The following RBFOX1 variants were observed in gnomAD, a reference collection of about 807,000 sequenced individuals.
RBFOX1 encodes RNA binding fox-1 homolog 1.
Under a neutral mutation model 57.7 loss-of-function variants are expected in RBFOX1, and 8 were observed. The observed-to-expected ratio is 0.14, with a 90% CI of 0.08 to 0.25. The LOEUF (loss-of-function observed/expected upper bound fraction) is 0.25. Ranked by LOEUF, RBFOX1 falls within the 10% of genes least tolerant of loss-of-function variation. RBFOX1 has a pLI of 1.00. For missense variants in RBFOX1, 611 were observed against 548.5 expected, an observed-to-expected ratio of 1.11 and a Z score of -1.14; for synonymous variants, 326 against 222.4, an observed-to-expected ratio of 1.47 and a Z score of -4.15.
At chr16:5,738,288 CTA>C (rs35229966) in intron 3 of RBFOX1, among the ~76,000 whole-genome samples, 41,376 of 151,632 alleles carry the variant, frequency 0.27, 6,103 homozygotes, top group East Asian at 0.56. Context: ...TTTAACGTCT[CTA>C]TGTGTTAGGT....
intron 2 of RBFOX1, among the ~76,000 whole-genome samples, chr16:6,449,738 C>G (rs745745885): frequency 2.0e-5 from 3 of 152,130 alleles, no homozygotes; most frequent in Non-Finnish European, 4.4e-5. Flanking sequence ...TTCAAGCATA[C>G]TGGAAAGAAG....
intron 3 of RBFOX1, among the ~76,000 whole-genome samples, chr16:6,815,276 C>A (rs1475787380): frequency 6.6e-6 from 1 of 152,092 alleles, no homozygotes; most frequent in South Asian, 2.1e-4. Context: ...TTTTGGCCGA[C>A]TTCTTTGCCA....
chr16:7,231,482 C>A (rs1027727103), intron 4 of RBFOX1, among the ~76,000 whole-genome samples: 1 of 152,126 alleles, frequency 6.6e-6, no homozygotes. Flanking sequence ...AAAGGCAGTT[C>A]CTCGGGAAGT....
chr16:5,282,876 G>A (rs1176862911), intron 1 of RBFOX1, among the ~76,000 whole-genome samples: 1 of 152,200 alleles, frequency 6.6e-6, no homozygotes, highest in Non-Finnish European at 1.5e-5. Flanking sequence ...GTAATGAGGA[G>A]CCAAGTGTGA....
At chr16:7,037,228 CTTTTTTTTTTTTTTTTTT>C (rs889539532) in intron 3 of RBFOX1, among the ~76,000 whole-genome samples, 1 of 80,524 alleles carries the variant, frequency 1.2e-5, no homozygotes, top group Non-Finnish European at 2.2e-5. Context: ...GTCTTAGCCT[CTTTTTTTTTTTTTTTTTT>C]TTTTTTTTTT....
At chr16:5,837,835 A>C (rs2056508247) in intron 3 of RBFOX1, among the ~76,000 whole-genome samples, 2 of 152,154 alleles carry the variant, frequency 1.3e-5, no homozygotes, top group South Asian at 4.1e-4. Context: ...AGTATTGACC[A>C]TGCTTGGTGG....
chr16:5,836,850 G>A (rs1372394515), intron 3 of RBFOX1, among the ~76,000 whole-genome samples: 1 of 152,168 alleles, frequency 6.6e-6, no homozygotes, highest in Non-Finnish European at 1.5e-5. Flanking sequence ...GTCCACATCA[G>A]CCCAGGCCAC....
At chr16:7,463,403 C>G (rs929086568) in intron 4 of RBFOX1, among the ~76,000 whole-genome samples, 6 of 152,152 alleles carry the variant, frequency 3.9e-5, no homozygotes, top group Non-Finnish European at 7.3e-5. Context: ...ACTCGGGAGG[C>G]TGACACAGGA....
chr16:6,643,327 A>C (rs1318350718), intron 2 of RBFOX1, among the ~76,000 whole-genome samples: 1 of 152,196 alleles, frequency 6.6e-6, no homozygotes, highest in Non-Finnish European at 1.5e-5. Context: ...TGAATGGAAA[A>C]GGAAGTGAAT....
At chr16:6,914,240 T>C (rs2072497046) in intron 3 of RBFOX1, among the ~76,000 whole-genome samples, 8 of 152,222 alleles carry the variant, frequency 5.3e-5, no homozygotes. Flanking sequence ...GTGGAATGTT[T>C]GCTGTGTATT....
intron 2 of RBFOX1, among the ~76,000 whole-genome samples, chr16:6,574,156 C>T (rs986817040): frequency 5.9e-5 from 9 of 152,080 alleles, no homozygotes; most frequent in Non-Finnish European, 1.0e-4. Flanking sequence ...TCTGGCCTTG[C>T]GATATATTAT....
chr16:7,249,883 A>C (rs1020052878), intron 4 of RBFOX1, among the ~76,000 whole-genome samples: 4 of 152,228 alleles, frequency 2.6e-5, no homozygotes, highest in Admixed American at 1.3e-4. Context: ...ACACATTGTT[A>C]AATGATCTCT....
intron 1 of RBFOX1, among the ~76,000 whole-genome samples, chr16:6,265,981 A>T (rs1437330260): frequency 2.6e-5 from 4 of 152,178 alleles, no homozygotes; most frequent in Admixed American, 6.5e-5. Context: ...CTTACTAAAC[A>T]TTCTGGCTTC....
intron 4 of RBFOX1, among the ~76,000 whole-genome samples, chr16:7,344,070 C>A (rs2096947795): frequency 6.6e-6 from 1 of 150,524 alleles, no homozygotes; most frequent in African/African-American, 2.4e-5. Flanking sequence ...AGCCCTTGAG[C>A]CAGACTGCCT....
rs182207500 is a variant in RBFOX1 at position 7,073,623 on chromosome 16, C to T, written c.27+21525C>T. On this transcript the variant is annotated intron_variant, in intron 4 of 15. Transcript: ENST00000550418. ...CTTTGGGAGGTCGAGGTGAGTGGAG[C>T]ACTTGAGCCCAAGACTTCAAGACCG... 1.5e-3 allele frequency among the ~76,000 whole-genome samples: 231 copies of T among 152,174 alleles called. 1 individual carries two copies. Among genetic ancestry groups the T allele is most frequent in the African/African-American group, 5.4e-3 (226 of 41,530 alleles).
At position 5,749,985 on chromosome 16, in the gene RBFOX1, A is replaced by G. The variant is rs1190950796; in HGVS notation, c.319-117318A>G. On this transcript the variant is annotated intron_variant, in intron 3 of 19. Transcript: ENST00000641259. ...AGCTTTTCTGCTCTGTTTTTTCCCC[A>G]TCTTTGTGGTTTTATGTACCTTTGG... Among the ~76,000 whole-genome samples, 8 of 151,802 alleles carry G rather than the reference A, an allele frequency of 5.3e-5. No homozygotes were observed. In the South Asian group the frequency reaches 1.7e-3, roughly 32 times the overall value.
chr16:7,471,828 A>G (rs1325003334), intron 4 of RBFOX1, among the ~76,000 whole-genome samples: 2 of 152,180 alleles, frequency 1.3e-5, no homozygotes, highest in African/African-American at 4.8e-5. Flanking sequence ...CCAGGGCCTG[A>G]CCCACAGATT....
rs117509484 is a variant in RBFOX1, at chr16:6,686,170, A to T, written c.-16+31520A>T. Among the ~76,000 whole-genome samples, 163 of 152,272 alleles carry T rather than the reference A, an allele frequency of 1.1e-3. 5 individuals carry two copies. In the East Asian group the frequency reaches 0.027, roughly 25 times the overall value. On this transcript the variant is annotated intron_variant, in intron 3 of 15. Transcript: ENST00000550418. Reference sequence around the variant, plus strand: ...TAAGCAGAGAGAATGTGAAGGAACAAATCCCTTCGATGTAATCAGACAGGT... The same window carrying T: ...TAAGCAGAGAGAATGTGAAGGAACATATCCCTTCGATGTAATCAGACAGGT...
chr16:6,322,247 A>T (rs2152789121), intron 2 of RBFOX1, among the ~76,000 whole-genome samples: 1 of 152,262 alleles, frequency 6.6e-6, no homozygotes, highest in East Asian at 1.9e-4. Context: ...CAGCCAACAG[A>T]TTGCAGGACT....
Sources: allele counts gnomAD v4.1 joint callset (sites outside exome capture counted in the v4.1 genomes callset), GRCh38; gene constraint gnomAD v4.1.1; transcripts MANE v1.5; gene names NCBI Gene and HGNC (gene_info 2026-07-23, HGNC 2026-07-21).